Variants in PDK3 observed in about 807,000 individuals in gnomAD.
PDK3 encodes pyruvate dehydrogenase kinase 3, also known as pyruvate dehydrogenase kinase, isozyme 3.
In PDK3, 12 loss-of-function variants were observed where a neutral mutation model predicts 32.0. The observed-to-expected ratio is 0.37, with a 90% CI of 0.24 to 0.61. The LOEUF (loss-of-function observed/expected upper bound fraction) is 0.61, where lower values mean the gene tolerates loss of function less well. Ranked by LOEUF, PDK3 falls within the 20% of genes least tolerant of loss-of-function variation. The probability of loss-of-function intolerance (pLI) is 0.65; values close to 1 mark genes in which losing one functional copy is unlikely to be tolerated. For missense variants in PDK3, 188 were observed against 316.9 expected (o/e 0.59, Z 3.09); for synonymous variants, 122 against 116.3 (o/e 1.05, Z -0.31).
At chrX:24,481,500 T>G (rs985594190) in intron 1 of PDK3, among the ~76,000 whole-genome samples, 2 of 112,199 alleles carry the variant, frequency 1.8e-5, no homozygotes, top group African/African-American at 6.5e-5. Context: ...GAACTTGAGC[T>G]TAGAGACTGA....
chrX:24,549,388 A>C (rs767881528), exon 12 of PDK3: 21 of 112,229 alleles, frequency 1.9e-4, no homozygotes, highest in Non-Finnish European at 3.4e-4. Context: ...AAAAATTACC[A>C]AGTGTATCTT....
At chrX:24,546,971 C>A (rs1481403086) in exon 12 of PDK3, 1 of 112,635 alleles carries the variant, frequency 8.9e-6, no homozygotes, top group African/African-American at 3.2e-5. Flanking sequence ...TTAATAAGTT[C>A]ATAATGCATC....
chrX:24,466,271 A>G lies in PDK3; in HGVS notation c.106+710A>G, dbSNP rs190752279. ...GCTTTCACGGATTGAGGTGGGACCA[A>G]AGAAGATTCGGGTTCCCAGCCTGCC... On this transcript the variant is annotated intron_variant, in intron 1 of 10. Transcript: ENST00000379162. 5.7e-3 allele frequency among the ~76,000 whole-genome samples: 638 copies of G among 112,220 alleles called. 1 individual carries two copies. The highest frequency in any genetic ancestry group is 0.01 in the Non-Finnish European group (545 of 53,203).
downstream of PDK3, among the ~76,000 whole-genome samples, chrX:24,537,851 G>A (rs986894007): frequency 1.8e-5 from 2 of 111,995 alleles, no homozygotes. Flanking sequence ...TGCTGGACTG[G>A]CCACTCATCT....
intron 1 of PDK3, among the ~76,000 whole-genome samples, chrX:24,477,139 G>A (rs1259412117): frequency 1.8e-5 from 2 of 111,966 alleles, no homozygotes; most frequent in African/African-American, 3.2e-5. Context: ...CCATATGAAA[G>A]CTGTTGACAG....
intron 1 of PDK3, among the ~76,000 whole-genome samples, chrX:24,491,212 G>A (rs1921549185): frequency 9.3e-6 from 1 of 107,544 alleles, no homozygotes; most frequent in Admixed American, 1.0e-4. Flanking sequence ...TACTCCAGAG[G>A]CTGAGGCAGG....
chrX:24,514,712 C>G (rs1228078550), intron 5 of PDK3, among the ~76,000 whole-genome samples: 2 of 111,031 alleles, frequency 1.8e-5, no homozygotes, highest in African/African-American at 6.5e-5. Flanking sequence ...GCTGTTACCC[C>G]AGAACCTCAT....
At chrX:24,494,474 T>A in intron 1 of PDK3, among the ~76,000 whole-genome samples, 1 of 112,356 alleles carries the variant, frequency 8.9e-6, no homozygotes, top group Non-Finnish European at 1.9e-5. Context: ...AGGTCACTTT[T>A]GTATTGCCGC....
intron 3 of PDK3, among the ~76,000 whole-genome samples, chrX:24,500,316 A>C (rs1190520152): frequency 2.7e-5 from 3 of 112,554 alleles, no homozygotes; most frequent in Non-Finnish European, 1.9e-5. Context: ...GATTTAAAGT[A>C]TCCGAGAGGA....
chrX:24,537,330 G>A (rs1258770125), downstream of PDK3, among the ~76,000 whole-genome samples: 14 of 88,873 alleles, frequency 1.6e-4, no homozygotes, highest in African/African-American at 3.0e-4. Context: ...TTGGGGTTTC[G>A]CCATGTTGGC....
At chrX:24,484,141 A>G (rs1921337439) in intron 1 of PDK3, among the ~76,000 whole-genome samples, 1 of 110,888 alleles carries the variant, frequency 9.0e-6, no homozygotes, top group African/African-American at 3.3e-5. Flanking sequence ...CCTCCCAAGT[A>G]GCTGGGACTA....
chrX:24,478,352 C>A (rs1016970193), intron 1 of PDK3, among the ~76,000 whole-genome samples: 10 of 111,540 alleles, frequency 9.0e-5, no homozygotes, highest in Non-Finnish European at 7.5e-5. Flanking sequence ...CCCAGCTACT[C>A]AGGAGGCTGA....
rs918992335 is a variant in PDK3 at position 24,465,411 on chromosome X, G to C, written c.-45G>C. 9.9e-7 allele frequency: 1 copy of C among 1,010,863 alleles called. No homozygotes were observed. The allele number at this position is 1,010,863 out of a possible 1,213,427, so 83.3% of individuals were successfully genotyped here. On this transcript the variant is annotated 5_prime_UTR_variant, in exon 1 of 11. Transcript: ENST00000379162. ...GCGGCTTGGCTGCGCCAGCCCTTGCGGCCACCCGGGCGTCTAGGCGGGTCT... is the reference window on the plus strand; with the variant it reads ...GCGGCTTGGCTGCGCCAGCCCTTGCCGCCACCCGGGCGTCTAGGCGGGTCT...
chrX:24,503,387 A>G lies in PDK3; in HGVS notation c.381A>G (p.Ala127=), dbSNP rs1036946688. ...ACAATGATGTGGTTCCTACAATGGC[A>G]CAAGGAGTGATTGAATACAAGGAGA... is the stretch of plus-strand genomic sequence containing the variant. ...NRHNDVVPTM[A]QGVIEYKEKF... The change falls in exon 4 of 11, where the codon GCA becomes GCG. Residue 127 remains alanine, a synonymous_variant. Transcript: ENST00000379162. The G allele has an allele frequency of 8.3e-7, 1 of 1,203,455 alleles. No individual in the cohort carries two copies. The highest frequency in any genetic ancestry group is 1.1e-6 in the Non-Finnish European group (1 of 888,233).
intron 5 of PDK3, among the ~76,000 whole-genome samples, chrX:24,507,567 C>G (rs1225537718): frequency 8.9e-6 from 1 of 111,949 alleles, no homozygotes; most frequent in Non-Finnish European, 1.9e-5. Flanking sequence ...ACAGTAAAGG[C>G]TGTAGACAGG....
intron 1 of PDK3, among the ~76,000 whole-genome samples, chrX:24,489,694 A>G (rs1475777538): frequency 9.2e-6 from 1 of 108,933 alleles, no homozygotes; most frequent in Non-Finnish European, 1.9e-5. Flanking sequence ...CAAAAAAAAA[A>G]AAAAAAAAGA....
intron 1 of PDK3, among the ~76,000 whole-genome samples, chrX:24,480,893 A>G (rs1207928952): frequency 9.0e-6 from 1 of 111,512 alleles, no homozygotes; most frequent in African/African-American, 3.3e-5. Flanking sequence ...TGCTGTCCCT[A>G]CCTCGCCCTT....
At position 24,469,756 on chromosome X, in the gene PDK3, A is replaced by T. The variant is rs181894832; in HGVS notation, c.106+4195A>T. On this transcript the variant is annotated intron_variant, in intron 1 of 10. Coordinates refer to ENST00000379162, the MANE Select transcript of PDK3 (RefSeq NM_005391.5). The stretch of plus-strand genomic sequence containing the variant: ...CAGTGAGCTGTGTTTCTGCCACTGC[A>T]CTCCAGCCTGGGGGATGTACATGTA... 5.2e-3 allele frequency among the ~76,000 whole-genome samples: 580 copies of T among 111,623 alleles called. 2 individuals are homozygous for T. Among genetic ancestry groups the T allele is most frequent in the African/African-American group, 0.018 (556 of 30,727 alleles).
At chrX:24,487,479 C>T (rs1029540945) in intron 1 of PDK3, among the ~76,000 whole-genome samples, 3 of 111,390 alleles carry the variant, frequency 2.7e-5, no homozygotes, top group African/African-American at 9.8e-5. Context: ...CGCATGTACC[C>T]CCTGTATCTG....
Sources: gnomAD v4.1 joint callset for allele counts (sites outside exome capture counted in the v4.1 genomes callset) on GRCh38, gnomAD v4.1.1 for gene constraint, MANE v1.5 for transcripts, NCBI Gene and HGNC (gene_info 2026-07-23, HGNC 2026-07-21) for gene names.